The following COL19A1 variants were observed in gnomAD, a reference collection of about 807,000 sequenced individuals.
The protein encoded by COL19A1 is collagen type XIX alpha 1 chain.
Under a neutral mutation model 190.2 loss-of-function variants are expected in COL19A1, and 159 were observed. The observed-to-expected ratio is 0.84, with a 90% CI of 0.73 to 0.95. The LOEUF (loss-of-function observed/expected upper bound fraction) is 0.95. Among genes scored for constraint, COL19A1 ranks in the 40% least tolerant of loss-of-function variants. The pLI is 0.00. For synonymous variants in COL19A1, 509 were observed against 458.9 expected (o/e 1.11, Z -1.39); for missense variants, 1,418 against 1,431.9 (o/e 0.99, Z 0.16).
At chr6:70,194,835 C>T (rs887040578) in intron 48 of COL19A1, among the ~76,000 whole-genome samples, 5 of 152,102 alleles carry the variant, frequency 3.3e-5, no homozygotes, top group Non-Finnish European at 7.4e-5. Flanking sequence ...TAAGCCCACA[C>T]CTCCAGCTGT....
intron 15 of COL19A1, among the ~76,000 whole-genome samples, chr6:70,101,336 A>G (rs1354671283): frequency 6.6e-6 from 1 of 152,122 alleles, no homozygotes; most frequent in Non-Finnish European, 1.5e-5. Flanking sequence ...TTTAAAAAAT[A>G]AAAAATGTTT....
intron 14 of COL19A1, among the ~76,000 whole-genome samples, chr6:70,038,559 C>T (rs908339359): frequency 6.6e-6 from 1 of 152,188 alleles, no homozygotes; most frequent in Non-Finnish European, 1.5e-5. Context: ...TTGAACCCTG[C>T]TTCATTAAAT....
intron 40 of COL19A1, among the ~76,000 whole-genome samples, chr6:70,170,930 G>A (rs559160650): frequency 4.7e-4 from 72 of 152,218 alleles, no homozygotes; most frequent in African/African-American, 1.7e-3. Context: ...GTTTCTTTGT[G>A]ATTATGTCTA....
At chr6:70,028,030 C>A (rs1159972906) in intron 12 of COL19A1, among the ~76,000 whole-genome samples, 2 of 151,844 alleles carry the variant, frequency 1.3e-5, no homozygotes, top group African/African-American at 4.8e-5. Flanking sequence ...TTATTTGCAC[C>A]ACGGAATGAT....
At chr6:70,101,421 G>A (rs1159448216) in intron 15 of COL19A1, among the ~76,000 whole-genome samples, 1 of 152,158 alleles carries the variant, frequency 6.6e-6, no homozygotes, top group Non-Finnish European at 1.5e-5. Context: ...AGAGAGGTTA[G>A]CACAACATCT....
intron 4 of COL19A1, among the ~76,000 whole-genome samples, chr6:69,921,554 A>G (rs528254622): frequency 3.2e-5 from 3 of 93,354 alleles, no homozygotes; most frequent in Non-Finnish European, 6.9e-5. Flanking sequence ...ATATATTCAT[A>G]TATATATTCG....
intron 41 of COL19A1, 33 bp from the exon 42 acceptor site, chr6:70,176,487 C>A: frequency 6.2e-7 from 1 of 1,607,066 alleles, no homozygotes; most frequent in South Asian, 1.1e-5. Flanking sequence ...TCATTGATGT[C>A]ATTAAAGTAG....
chr6:69,939,930 G>A (rs1773364627), intron 9 of COL19A1, among the ~76,000 whole-genome samples: 1 of 151,716 alleles, frequency 6.6e-6, no homozygotes, highest in Admixed American at 6.6e-5. Flanking sequence ...CTTAATTTTT[G>A]GTGACTGTGA....
intron 4 of COL19A1, among the ~76,000 whole-genome samples, chr6:69,908,205 A>C (rs1045306839): frequency 5.3e-5 from 8 of 152,154 alleles, no homozygotes; most frequent in Non-Finnish European, 1.2e-4. Context: ...GAGGCTGAAA[A>C]CTTGTTCAGA....
chr6:70,076,710 G>C (rs1781903579), intron 15 of COL19A1, among the ~76,000 whole-genome samples: 1 of 152,136 alleles, frequency 6.6e-6, no homozygotes, highest in African/African-American at 2.4e-5. Flanking sequence ...ATGGGATTAA[G>C]CCGGAAGCAC....
intron 10 of COL19A1, among the ~76,000 whole-genome samples, chr6:69,960,830 A>G (rs978711222): frequency 3.3e-5 from 5 of 151,686 alleles, no homozygotes; most frequent in Non-Finnish European, 7.4e-5. Flanking sequence ...ATGGGGTTTC[A>G]CCATGTTAGC....
intron 11 of COL19A1, among the ~76,000 whole-genome samples, chr6:69,966,027 T>TA (rs1192729561): frequency 6.6e-6 from 1 of 152,228 alleles, no homozygotes; most frequent in African/African-American, 2.4e-5. Context: ...AATCCTCAGA[T>TA]AACAGTTATC....
At chr6:70,160,959 T>G (rs1787757674) in intron 34 of COL19A1, among the ~76,000 whole-genome samples, 1 of 152,168 alleles carries the variant, frequency 6.6e-6, no homozygotes, top group African/African-American at 2.4e-5. Flanking sequence ...ATGTAATTTA[T>G]CTAACAATAT....
rs1191561155 is a variant in COL19A1, at chr6:70,064,157, T to C, written c.1171-4266T>C. On this transcript the variant is annotated intron_variant, in intron 14 of 50. Transcript: ENST00000620364. ...ACAGCATCATCCTGATACCAAAGCCTGGCAGAGACACAACAAAAAAAGAGA... is the reference window on the plus strand; with the variant it reads ...ACAGCATCATCCTGATACCAAAGCCCGGCAGAGACACAACAAAAAAAGAGA... 3.9e-5 allele frequency among the ~76,000 whole-genome samples: 6 copies of C among 152,042 alleles called. No individual in the cohort carries two copies. The East Asian group carries it at 9.7e-4, about 24-fold the overall frequency.
rs1773155764 is a variant in COL19A1 at position 69,936,984 on chromosome 6, G to A, written c.873+74G>A. Reference sequence around the variant, plus strand: ...GCCCAGCTCCTTGAATGTGGCCTCTGTTCACAGAATGTGTCTTGCCATTCA... The same window carrying A: ...GCCCAGCTCCTTGAATGTGGCCTCTATTCACAGAATGTGTCTTGCCATTCA... On this transcript the variant is annotated intron_variant, in intron 8 of 50. Transcript: ENST00000620364. The A allele has an allele frequency of 3.2e-6, 5 of 1,555,888 alleles. No individual in the cohort carries two copies. The Admixed American group carries it at 7.3e-5, about 23-fold the overall frequency.
intron 14 of COL19A1, among the ~76,000 whole-genome samples, chr6:70,061,091 G>A (rs1252665739): frequency 6.6e-6 from 1 of 152,156 alleles, no homozygotes; most frequent in Non-Finnish European, 1.5e-5. Flanking sequence ...TAAATCCACT[G>A]TTTGACTTTA....
chr6:69,968,407 G>C (rs1003433300), intron 11 of COL19A1, among the ~76,000 whole-genome samples: 24 of 151,986 alleles, frequency 1.6e-4, no homozygotes, highest in Admixed American at 1.1e-3. Flanking sequence ...AATTTATTTG[G>C]TAGCATTTTG....
intron 11 of COL19A1, among the ~76,000 whole-genome samples, chr6:69,988,117 G>A (rs898846967): frequency 4.6e-5 from 7 of 152,048 alleles, no homozygotes; most frequent in Non-Finnish European, 7.4e-5. Flanking sequence ...CACCAGATTC[G>A]AAATGACTTA....
chr6:69,936,580 T>C (rs1773123428), intron 7 of COL19A1, among the ~76,000 whole-genome samples: 2 of 152,162 alleles, frequency 1.3e-5, no homozygotes, highest in African/African-American at 2.4e-5. Flanking sequence ...TTTTCTTGCA[T>C]GTTGTCAGTA....
Sources: gnomAD v4.1 joint callset for allele counts (sites outside exome capture counted in the v4.1 genomes callset) on GRCh38, gnomAD v4.1.1 for gene constraint, MANE v1.5 for transcripts, NCBI Gene and HGNC (gene_info 2026-07-23, HGNC 2026-07-21) for gene names.